AGMO: variants seen among roughly 807,000 people sequenced by gnomAD.
The protein encoded by AGMO is alkylglycerol monooxygenase, also known as glyceryl-ether monooxygenase.
AGMO carries 75 observed loss-of-function variants against 60.2 expected under a neutral mutation model. The ratio of observed to expected loss-of-function variants is 1.25; its 90% confidence interval spans 1.03 to 1.51. The LOEUF (loss-of-function observed/expected upper bound fraction) is 1.51. Ranked by LOEUF, AGMO falls within the 40% of genes most tolerant of loss-of-function variation. The pLI, the probability that AGMO is intolerant of heterozygous loss-of-function variation, is 0.00. For synonymous variants in AGMO, 261 were observed against 177.1 expected, an observed-to-expected ratio of 1.47 and a Z score of -3.76; for missense variants, 763 against 525.5, an observed-to-expected ratio of 1.45 and a Z score of -4.42.
intron 3 of AGMO, among the ~76,000 whole-genome samples, chr7:15,477,783 A>G (rs1782635974): frequency 1.3e-5 from 2 of 152,170 alleles, no homozygotes; most frequent in Admixed American, 1.3e-4. Context: ...CTTCTTCAAA[A>G]TCACTGTTAT....
chr7:15,150,700 T>C, the AGMO span, among the ~76,000 whole-genome samples: 1 of 152,168 alleles, frequency 6.6e-6, no homozygotes, highest in African/African-American at 2.4e-5. Context: ...TGGATTTGAT[T>C]GGCTACTATT....
chr7:15,552,212 A>G (rs1784984440), intron 2 of AGMO, among the ~76,000 whole-genome samples: 1 of 152,232 alleles, frequency 6.6e-6, no homozygotes, highest in South Asian at 2.1e-4. Flanking sequence ...AAAACCATAA[A>G]AACCCTAGAA....
intron 3 of AGMO, among the ~76,000 whole-genome samples, chr7:15,452,974 G>T (rs543385153): frequency 6.6e-6 from 1 of 152,242 alleles, no homozygotes; most frequent in African/African-American, 2.4e-5. Flanking sequence ...GATACAAAAG[G>T]ACTTATCGTG....
At chr7:15,180,593 T>C in the AGMO span, among the ~76,000 whole-genome samples, 1 of 151,676 alleles carries the variant, frequency 6.6e-6, no homozygotes, top group African/African-American at 2.4e-5. Flanking sequence ...TTCCCTACTC[T>C]GCTCTTCTGA....
intron 12 of AGMO, among the ~76,000 whole-genome samples, chr7:15,288,616 G>A (rs1378097095): frequency 6.6e-6 from 1 of 151,956 alleles, no homozygotes; most frequent in Non-Finnish European, 1.5e-5. Context: ...AATCCTATAT[G>A]CAGTCTTACA....
At chr7:15,436,199 G>C (rs1435528706) in intron 3 of AGMO, among the ~76,000 whole-genome samples, 3 of 152,168 alleles carry the variant, frequency 2.0e-5, no homozygotes, top group Non-Finnish European at 2.9e-5. Flanking sequence ...GAACAGAAGA[G>C]CTATGCCTTA....
chr7:15,354,807 A>G (rs1782457737), intron 12 of AGMO, among the ~76,000 whole-genome samples: 1 of 151,152 alleles, frequency 6.6e-6, no homozygotes, highest in Non-Finnish European at 1.5e-5. Context: ...TATTCCCTGA[A>G]TTTTTTCTCG....
chr7:15,482,593 T>G (rs1782788643), intron 3 of AGMO, among the ~76,000 whole-genome samples: 1 of 152,114 alleles, frequency 6.6e-6, no homozygotes. Flanking sequence ...TAGTGACAAA[T>G]TTAAGCACTG....
the AGMO span, among the ~76,000 whole-genome samples, chr7:15,190,393 T>C: frequency 2.6e-5 from 4 of 151,852 alleles, no homozygotes; most frequent in African/African-American, 9.7e-5. Context: ...GTGGCCTTTA[T>C]AAGCACACAG....
intron 12 of AGMO, among the ~76,000 whole-genome samples, chr7:15,348,698 T>G (rs933992645): frequency 2.0e-5 from 3 of 152,178 alleles, no homozygotes; most frequent in South Asian, 2.1e-4. Flanking sequence ...CATCACTCTG[T>G]TTTTCACTTG....
chr7:15,283,839 G>C (rs974848988), intron 12 of AGMO, among the ~76,000 whole-genome samples: 2 of 151,488 alleles, frequency 1.3e-5, no homozygotes, highest in Non-Finnish European at 3.0e-5. Context: ...CACAAAACAA[G>C]TCTTAATGAA....
At chr7:15,378,123 A>G (rs1270789784) in intron 10 of AGMO, among the ~76,000 whole-genome samples, 1 of 152,054 alleles carries the variant, frequency 6.6e-6, no homozygotes, top group Non-Finnish European at 1.5e-5. Context: ...TTTGCTTCAC[A>G]AAATGGAAAC....
intron 12 of AGMO, among the ~76,000 whole-genome samples, chr7:15,271,504 T>G (rs1370789585): frequency 6.6e-6 from 1 of 152,158 alleles, no homozygotes. Flanking sequence ...AACTATCTTT[T>G]TATGTTAATT....
At chr7:15,535,972 G>A (rs1055934295) in intron 3 of AGMO, among the ~76,000 whole-genome samples, 3 of 151,806 alleles carry the variant, frequency 2.0e-5, no homozygotes, top group African/African-American at 4.8e-5. Flanking sequence ...TCTCATGAAC[G>A]ACTGAGTGCC....
At chr7:15,196,955 T>C (rs1781132644), downstream of AGMO, among the ~76,000 whole-genome samples, 1 of 152,050 alleles carries the variant, frequency 6.6e-6, no homozygotes, top group South Asian at 2.1e-4. Context: ...AATTGTGTCT[T>C]GGGGAGGAAG....
chr7:15,441,789 CA>C (rs1781564483), intron 3 of AGMO, among the ~76,000 whole-genome samples: 1 of 152,080 alleles, frequency 6.6e-6, no homozygotes, highest in Admixed American at 6.6e-5. Flanking sequence ...GAAAGCAAAA[CA>C]ACCAGGAATT....
chr7:15,265,650 G>A (rs1350024067), intron 12 of AGMO, among the ~76,000 whole-genome samples: 1 of 151,958 alleles, frequency 6.6e-6, no homozygotes, highest in South Asian at 2.1e-4. Flanking sequence ...AAAGTAACAA[G>A]CTTTTGCCAG....
intron 2 of AGMO, among the ~76,000 whole-genome samples, chr7:15,546,916 C>T (rs938740442): frequency 3.3e-5 from 5 of 152,100 alleles, no homozygotes; most frequent in African/African-American, 4.8e-5. Flanking sequence ...TTGGTGCAAA[C>T]GTTTACTGAA....
At chr7:15,259,511 C>T (rs1342552789) in intron 12 of AGMO, among the ~76,000 whole-genome samples, 6 of 152,034 alleles carry the variant, frequency 3.9e-5, no homozygotes, top group Non-Finnish European at 7.4e-5. Context: ...AAAACTACCC[C>T]GGCTTTACTA....
Sources: allele counts gnomAD v4.1 joint callset (sites outside exome capture counted in the v4.1 genomes callset), GRCh38; gene constraint gnomAD v4.1.1; transcripts MANE v1.5; gene names NCBI Gene and HGNC (gene_info 2026-07-23, HGNC 2026-07-21).